The following ZNF493 variants were observed in gnomAD, a reference collection of about 807,000 sequenced individuals.
ZNF493 encodes the protein zinc finger protein 493.
In ZNF493, 11 loss-of-function variants were observed where a neutral mutation model predicts 12.2. That is an observed-to-expected ratio of 0.90 (90% CI 0.57 to 1.50). The LOEUF (loss-of-function observed/expected upper bound fraction) is 1.50, where lower values mean the gene tolerates loss of function less well. ZNF493 is among the 40% of genes most tolerant of loss of function. The pLI is 0.00. For missense variants in ZNF493, 950 were observed against 906.6 expected (o/e 1.05, Z -0.61); for synonymous variants, 286 against 302.6 (o/e 0.95, Z 0.57).
In ZNF493 at chr19:21,426,435, G is replaced by A. The variant is rs1319262450; in HGVS notation, c.*1451G>A. 6.0e-6 allele frequency: 1 copy of A among 167,746 alleles called. No individual in the cohort carries two copies. The highest frequency in any genetic ancestry group is 1.5e-5 in the Non-Finnish European group (1 of 68,566). 10.4% of individuals were successfully genotyped at this position (167,746 alleles called of 1,614,324 possible). A position where few individuals can be genotyped will look rare whatever the true frequency, so the allele number is the denominator to read the frequency against. ...CATGCTTAATAAAAGCATGATAAGT[G>A]CAATTACTGCCAAAAGATCTTTCAG... On this transcript the variant is annotated 3_prime_UTR_variant, in exon 4 of 4. Coordinates refer to ENST00000392288, the MANE Select transcript of ZNF493 (RefSeq NM_001076678.3).
At chr19:21,415,640 A>G (rs2030465641) in intron 3 of ZNF493, among the ~76,000 whole-genome samples, 1 of 152,182 alleles carries the variant, frequency 6.6e-6, no homozygotes, top group African/African-American at 2.4e-5. Context: ...ATAATGTAAC[A>G]CTGTGAAAAT....
At chr19:21,405,910 A>T in intron 3 of ZNF493, 54 bp downstream of exon 3, 2 of 1,100,644 alleles carry the variant, frequency 1.8e-6, no homozygotes, top group Non-Finnish European at 2.5e-6. Flanking sequence ...AAAGATTTAA[A>T]AAAAAAAAAA....
Position 21,424,609 on chromosome 19 carries a change from T to C in ZNF493, c.1950T>C (p.Ile650=). The change falls in exon 4 of 4, where the codon ATT becomes ATC. Residue 650 remains isoleucine (I), a synonymous_variant. Coordinates refer to ENST00000392288, the MANE Select transcript of ZNF493 (RefSeq NM_001076678.3). The stretch of plus-strand genomic sequence containing the variant: ...CACACCTCGCTGGGCACAAGCAAAT[T>C]CATAGTGTACAAAAACCCTACAAAT... The part of the protein sequence containing the change: ...RSSHLAGHKQ[I]HSVQKPYKCE... The C allele has an allele frequency of 6.2e-7, 1 of 1,613,326 alleles. No homozygotes were observed. The highest frequency in any genetic ancestry group is 1.3e-5 in the African/African-American group (1 of 74,924).
At chr19:21,421,294 T>G (rs2030671516) in intron 3 of ZNF493, among the ~76,000 whole-genome samples, 1 of 152,186 alleles carries the variant, frequency 6.6e-6, no homozygotes, top group Admixed American at 6.5e-5. Flanking sequence ...TCTGTAGTTC[T>G]CTGTGTTCAT....
intron 1 of ZNF493, among the ~76,000 whole-genome samples, chr19:21,400,589 G>T (rs2145261341): frequency 6.6e-6 from 1 of 152,280 alleles, no homozygotes; most frequent in Admixed American, 6.5e-5. Flanking sequence ...TGCAAAAGGA[G>T]TTTATTAAAG....
chr19:21,407,458 T>G (rs932306615), intron 3 of ZNF493: 1 of 182,728 alleles, frequency 5.5e-6, no homozygotes, highest in Admixed American at 6.5e-5. Flanking sequence ...CTGGCTAATT[T>G]TTTTGTATTT....
intron 3 of ZNF493, 73 bp downstream of exon 3, chr19:21,405,929 A>AAC: frequency 9.4e-7 from 1 of 1,062,048 alleles, no homozygotes; most frequent in Non-Finnish European, 1.3e-6. Context: ...AAAAAAAAAA[A>AAC]GCCAGTCCTG....
In ZNF493 at chr19:21,426,088, T is replaced by C. The variant is rs1297584534; in HGVS notation, c.*1104T>C. Reference sequence around the variant, plus strand: ...TTAACACACATACGATAATTCTTACTGCAGAGAAACTCTACAAACCAGTAA... The same window carrying C: ...TTAACACACATACGATAATTCTTACCGCAGAGAAACTCTACAAACCAGTAA... On this transcript the variant is annotated 3_prime_UTR_variant, in exon 4 of 4. Transcript: ENST00000392288. The C allele has an allele frequency of 7.4e-5, 24 of 323,142 alleles. No individual in the cohort carries two copies. The highest frequency in any genetic ancestry group is 3.2e-5 in the South Asian group (1 of 31,576). 20.0% of individuals were successfully genotyped at this position (323,142 alleles called of 1,614,324 possible).
chr19:21,404,624 A>G (rs1164126749), intron 1 of ZNF493, among the ~76,000 whole-genome samples: 2 of 152,328 alleles, frequency 1.3e-5, no homozygotes, highest in East Asian at 3.9e-4. Flanking sequence ...CTTACTGGAT[A>G]TTGACAAAAT....
chr19:21,424,525 TC>T lies in ZNF493; in HGVS notation c.1867del (p.His623IlefsTer55). On this transcript the variant is annotated frameshift_variant, in exon 4 of 4. Coordinates refer to ENST00000392288, the MANE Select transcript of ZNF493 (RefSeq NM_001076678.3). LOFTEE classifies it low-confidence loss of function (END_TRUNC). The part of the protein sequence containing the change: ...SSILSIHKKI[H>X]TGEKPYKCEE... The stretch of plus-strand genomic sequence containing the variant: ...CAATCCTTAGTATACATAAGAAAAT[TC>T]ATACTGGAGAAAAACCCTACAAATG... 2 of 1,613,444 alleles carry T rather than the reference TC, an allele frequency of 1.2e-6. No individual in the cohort carries two copies. Among genetic ancestry groups the T allele is most frequent in the Non-Finnish European group, 1.7e-6 (2 of 1,179,760 alleles).
At chr19:21,397,347 A>T in intron 1 of ZNF493, 80 bp downstream of exon 1, 1 of 1,530,870 alleles carries the variant, frequency 6.5e-7, no homozygotes, top group Non-Finnish European at 9.1e-7. Context: ...GGCGGGACTC[A>T]GGCCTCCCCG....
At chr19:21,420,195 T>C (rs2030614047) in intron 3 of ZNF493, among the ~76,000 whole-genome samples, 1 of 152,166 alleles carries the variant, frequency 6.6e-6, no homozygotes, top group Non-Finnish European at 1.5e-5. Flanking sequence ...GACACAAAGT[T>C]TTCTGAAACA....
At chr19:21,415,578 G>C (rs2030462898) in intron 3 of ZNF493, among the ~76,000 whole-genome samples, 1 of 152,112 alleles carries the variant, frequency 6.6e-6, no homozygotes, top group Admixed American at 6.6e-5. Context: ...CATAACATTG[G>C]AGTAATATTT....
At chr19:21,412,198 G>A (rs1208774199) in intron 3 of ZNF493, 9 of 152,154 alleles carry the variant, frequency 5.9e-5, no homozygotes, top group African/African-American at 2.2e-4. Context: ...CATTAGCATT[G>A]TTTCTATAAA....
intron 1 of ZNF493, among the ~76,000 whole-genome samples, chr19:21,401,817 G>A (rs1281785356): frequency 6.6e-6 from 1 of 151,800 alleles, no homozygotes; most frequent in Non-Finnish European, 1.5e-5. Flanking sequence ...TAGAGATGGG[G>A]TTTCACCATG....
intron 3 of ZNF493, among the ~76,000 whole-genome samples, chr19:21,419,634 A>G (rs2145301550): frequency 6.6e-6 from 1 of 152,242 alleles, no homozygotes; most frequent in South Asian, 2.1e-4. Context: ...ACCCAGATTA[A>G]GGGTGGGTCT....
chr19:21,398,086 C>T (rs187664170), intron 1 of ZNF493: 48 of 152,484 alleles, frequency 3.1e-4, no homozygotes, highest in African/African-American at 1.2e-3. Context: ...TATTTTTCAC[C>T]TGTGTCCCAA....
intron 3 of ZNF493, chr19:21,412,218 A>T (rs941870533): frequency 6.6e-6 from 1 of 152,222 alleles, no homozygotes; most frequent in African/African-American, 2.4e-5. Flanking sequence ...AAGATTAACT[A>T]AAAGTATCCC....
chr19:21,397,555 G>C (rs1685231033), intron 1 of ZNF493: 5 of 583,280 alleles, frequency 8.6e-6, no homozygotes, highest in Non-Finnish European at 1.5e-5. Flanking sequence ...AGATTGTGCG[G>C]GGACCACGGG....
Sources: allele counts gnomAD v4.1 joint callset (sites outside exome capture counted in the v4.1 genomes callset), GRCh38; gene constraint gnomAD v4.1.1; transcripts MANE v1.5; gene names NCBI Gene and HGNC (gene_info 2026-07-23, HGNC 2026-07-21).